Variants in ALS2 observed in about 807,000 individuals in gnomAD.
ALS2 encodes the protein alsin Rho guanine nucleotide exchange factor ALS2, also known as alsin.
A neutral mutation model predicts 203.4 loss-of-function variants in ALS2; 117 were observed. The ratio of observed to expected loss-of-function variants is 0.58; its 90% confidence interval spans 0.50 to 0.67. The LOEUF (loss-of-function observed/expected upper bound fraction) is 0.67. Among genes scored for constraint, ALS2 ranks in the 30% least tolerant of loss-of-function variants. The probability of loss-of-function intolerance (pLI) is 0.00; values close to 1 mark genes in which losing one functional copy is unlikely to be tolerated. For synonymous variants in ALS2, 718 were observed against 725.9 expected, an observed-to-expected ratio of 0.99 and a Z score of 0.17; for missense variants, 1,715 against 1,989.4, an observed-to-expected ratio of 0.86 and a Z score of 2.62.
rs764523082 is a variant in ALS2 at position 201,707,897 on chromosome 2, C to G, written c.4375G>C (p.Asp1459His). The G allele has an allele frequency of 9.3e-6, 15 of 1,613,624 alleles. No homozygotes were observed. In the South Asian group the frequency reaches 1.6e-4, roughly 18 times the overall value. Residue 1459 changes from aspartate (D) to histidine (H), a missense_variant, in exon 28 of 34, where the codon GAT (aspartate) becomes CAT (histidine). Physicochemically the swap from Asp to His is moderately conservative, Grantham distance 81 (BLOSUM62 -1). Transcript: ENST00000264276. ...ERKSFCTGKS[D>H]SRSESPEPGY... ...GGCTCTGGTGATTCAGATCGGGAAT[C>G]TGACTTCCCAGTGCAAAAAGACTTC...
intron 11 of ALS2, chr2:201,741,376 CA>C (rs1314135637): frequency 6.8e-6 from 2 of 293,060 alleles, no homozygotes; most frequent in African/African-American, 4.3e-5. Context: ...GTTAAGTAAA[CA>C]AAATTGTTTT....
At chr2:201,724,146 T>C (rs1559047419) in intron 21 of ALS2, 149 bp downstream of exon 21, 1 of 807,288 alleles carries the variant, frequency 1.2e-6, no homozygotes, top group East Asian at 2.7e-5. Context: ...GGGTTTGTCA[T>C]AAAAGAAGGT....
At chr2:201,725,625 T>G (rs1691117907) in intron 19 of ALS2, among the ~76,000 whole-genome samples, 171 bp from the exon 20 acceptor site, 1 of 152,192 alleles carries the variant, frequency 6.6e-6, no homozygotes, top group East Asian at 1.9e-4. Context: ...ACCTAAGCTG[T>G]TTGGCAAGAG....
chr2:201,757,493 T>C lies in ALS2; in HGVS notation c.1380A>G (p.Gln460=). The C allele has an allele frequency of 1.2e-6, 2 of 1,613,918 alleles. No homozygotes were observed. Among genetic ancestry groups the C allele is most frequent in the Non-Finnish European group, 1.7e-6 (2 of 1,179,886 alleles). The part of the protein sequence containing the change: ...REEQVKQESM[Q]GKKSSSLVDI... ...CCACAAGACTTGAACTTTTCTTTCC[T>C]TGCATTGATTCCTGTTTAACCTGTT... is the stretch of plus-strand genomic sequence containing the variant. Residue 460 remains glutamine, a synonymous_variant, in exon 5 of 34, where the codon CAA becomes CAG. Coordinates refer to ENST00000264276, the MANE Select transcript of ALS2 (RefSeq NM_020919.4).
At chr2:201,773,142 G>A (rs145367013) in intron 1 of ALS2, among the ~76,000 whole-genome samples, 32 of 152,274 alleles carry the variant, frequency 2.1e-4, no homozygotes, top group African/African-American at 5.1e-4. Flanking sequence ...TTACAGGCGT[G>A]AGCCAATGCG....
intron 14 of ALS2, 94 bp downstream of exon 14, chr2:201,728,958 C>T: frequency 6.3e-7 from 1 of 1,594,634 alleles, no homozygotes; most frequent in South Asian, 1.1e-5. Context: ...AAGGTTATTA[C>T]CACAAACAAG....
chr2:201,743,169 G>T (rs1159848812), intron 10 of ALS2, among the ~76,000 whole-genome samples: 1 of 151,980 alleles, frequency 6.6e-6, no homozygotes, highest in African/African-American at 2.4e-5. Context: ...CCTGAATTCT[G>T]GGTCAACACA....
At chr2:201,775,924 CACCGGTAT>C (rs2106117217) in intron 1 of ALS2, among the ~76,000 whole-genome samples, 1 of 152,268 alleles carries the variant, frequency 6.6e-6, no homozygotes, top group South Asian at 2.1e-4. Flanking sequence ...ATGACTTATT[CACCGGTAT>C]ACTCTTGTAC....
chr2:201,725,824 A>G (rs949613540), intron 19 of ALS2, among the ~76,000 whole-genome samples: 2 of 152,228 alleles, frequency 1.3e-5, no homozygotes, highest in Admixed American at 6.5e-5. Flanking sequence ...TAGATGATCT[A>G]AAGTCTCTTC....
At chr2:201,757,956 A>G (rs1374062391) in intron 4 of ALS2, among the ~76,000 whole-genome samples, 197 bp from the exon 5 acceptor site, 1 of 152,212 alleles carries the variant, frequency 6.6e-6, no homozygotes, top group Non-Finnish European at 1.5e-5. Flanking sequence ...AGTACTCAAA[A>G]TACAGTTCCT....
At chr2:201,758,599 C>A (rs2106082486) in intron 4 of ALS2, among the ~76,000 whole-genome samples, 1 of 152,184 alleles carries the variant, frequency 6.6e-6, no homozygotes, top group African/African-American at 2.4e-5. Context: ...AAAGGAAGGT[C>A]ATTAAATGTA....
chr2:201,730,973 T>A (rs964268532), intron 13 of ALS2, among the ~76,000 whole-genome samples: 4 of 152,202 alleles, frequency 2.6e-5, no homozygotes, highest in Admixed American at 6.5e-5. Context: ...ATGAAAATAG[T>A]TTTGACCTTG....
intron 24 of ALS2, among the ~76,000 whole-genome samples, chr2:201,717,674 C>T (rs1020672528): frequency 1.3e-5 from 2 of 149,430 alleles, no homozygotes; most frequent in Non-Finnish European, 3.0e-5. Flanking sequence ...CCAGGTGCAG[C>T]GGCTCATACC....
At chr2:201,730,824 A>T (rs1691508587) in intron 13 of ALS2, among the ~76,000 whole-genome samples, 1 of 152,262 alleles carries the variant, frequency 6.6e-6, no homozygotes, top group South Asian at 2.1e-4. Flanking sequence ...ATGGCAGTGA[A>T]GAACGCAGTG....
intron 3 of ALS2, among the ~76,000 whole-genome samples, chr2:201,766,760 C>T: frequency 7.1e-6 from 1 of 141,382 alleles, no homozygotes; most frequent in Admixed American, 7.8e-5. Context: ...TACTATGCAG[C>T]CATAAAAAAT....
At chr2:201,708,125 T>G in intron 27 of ALS2, 134 bp from the exon 28 acceptor site, 2 of 751,852 alleles carry the variant, frequency 2.7e-6, no homozygotes. Context: ...AGAAAACTGA[T>G]GTTTCTAACA....
chr2:201,770,647 G>A (rs1160711355), intron 1 of ALS2, among the ~76,000 whole-genome samples: 5 of 152,274 alleles, frequency 3.3e-5, no homozygotes, highest in Non-Finnish European at 5.9e-5. Context: ...GGTTATCCAG[G>A]TGCACCCAAT....
chr2:201,738,204 CTTG>C (rs1281272490), intron 12 of ALS2, among the ~76,000 whole-genome samples: 1 of 152,170 alleles, frequency 6.6e-6, no homozygotes, highest in African/African-American at 2.4e-5. Context: ...TGGGTCAACA[CTTG>C]TTGAGAAACT....
chr2:201,776,022 C>G (rs1460686851), intron 1 of ALS2, among the ~76,000 whole-genome samples: 1 of 152,152 alleles, frequency 6.6e-6, no homozygotes, highest in Non-Finnish European at 1.5e-5. Context: ...TTTTCAGTTG[C>G]AATCCACAGA....
Sources: gnomAD v4.1 joint callset for allele counts (sites outside exome capture counted in the v4.1 genomes callset) on GRCh38, gnomAD v4.1.1 for gene constraint, MANE v1.5 for transcripts, NCBI Gene and HGNC (gene_info 2026-07-23, HGNC 2026-07-21) for gene names.